The following ACOT1 variants were observed in gnomAD, a reference collection of about 807,000 sequenced individuals.
ACOT1 encodes acyl-coenzyme A thioesterase 1.
Under a neutral mutation model 15.7 loss-of-function variants are expected in ACOT1, and 8 were observed. That is an observed-to-expected ratio of 0.51 (90% confidence interval 0.30 to 0.92). ACOT1 has a LOEUF of 0.92. ACOT1 is among the 40% of genes least tolerant of loss of function. ACOT1 has a pLI of 0.06. For synonymous variants in ACOT1, 67 were observed against 241.2 expected (o/e 0.28, Z 6.69); for missense variants, 151 against 539.4 (o/e 0.28, Z 7.13).
upstream of ACOT1, among the ~76,000 whole-genome samples, chr14:73,534,996 G>A (rs1888816447): frequency 8.9e-6 from 1 of 112,790 alleles, no homozygotes; most frequent in South Asian, 2.8e-4. Flanking sequence ...TAATATCTTG[G>A]TAAAAAGTAT....
the ACOT1 span, chr14:73,491,011 T>G: frequency 2.1e-6 from 3 of 1,452,490 alleles, no homozygotes. Flanking sequence ...ACTGGTGTGG[T>G]CTGGCCATGG....
the ACOT1 span, among the ~76,000 whole-genome samples, chr14:73,503,348 G>A: frequency 2.6e-5 from 4 of 152,320 alleles, no homozygotes; most frequent in East Asian, 7.7e-4. Context: ...AAATTTGAAA[G>A]TGATACTTGA....
chr14:73,512,186 T>A, the ACOT1 span: 3 of 1,611,760 alleles, frequency 1.9e-6, no homozygotes, highest in Non-Finnish European at 2.5e-6. Context: ...GAGAACCACC[T>A]GGTTAGGGTT....
At chr14:73,528,746 A>C in the ACOT1 span, among the ~76,000 whole-genome samples, 1 of 152,184 alleles carries the variant, frequency 6.6e-6, no homozygotes, top group African/African-American at 2.4e-5. Context: ...AAACTAAAAT[A>C]TATGTGTGAG....
chr14:73,527,961 CAAAAA>C, the ACOT1 span, among the ~76,000 whole-genome samples: 2 of 52,678 alleles, frequency 3.8e-5, no homozygotes, highest in African/African-American at 7.2e-5. Context: ...AACTCCATCT[CAAAAA>C]AAAAAAAAAA....
chr14:73,513,868 T>C, the ACOT1 span, among the ~76,000 whole-genome samples: 1 of 151,476 alleles, frequency 6.6e-6, no homozygotes, highest in East Asian at 2.0e-4. Flanking sequence ...GAAGTTCATC[T>C]AACACCCAAT....
chr14:73,518,486 C>A, the ACOT1 span, among the ~76,000 whole-genome samples: 2 of 151,854 alleles, frequency 1.3e-5, no homozygotes, highest in South Asian at 4.2e-4. Flanking sequence ...GAACAGTAAT[C>A]CTACAAAGAG....
At chr14:73,494,159 G>T in the ACOT1 span, among the ~76,000 whole-genome samples, 328 of 152,262 alleles carry the variant, frequency 2.2e-3, 5 homozygotes, top group Admixed American at 0.017. Context: ...GCAGTTCGAA[G>T]AAACTTCCCC....
chr14:73,515,671 CAAAAAAAAAAAAA>C, the ACOT1 span, among the ~76,000 whole-genome samples: 8 of 33,486 alleles, frequency 2.4e-4, no homozygotes, highest in Non-Finnish European at 3.2e-4. Flanking sequence ...GACTCCATCT[CAAAAAAAAAAAAA>C]AAAAAAAAAA....
At chr14:73,500,787 C>T in the ACOT1 span, 1 of 1,518,216 alleles carries the variant, frequency 6.6e-7, no homozygotes, top group Non-Finnish European at 9.1e-7. Context: ...ACCTAACCCC[C>T]AACCCCCACT....
At chr14:73,512,094 C>G in the ACOT1 span, 2 of 1,614,186 alleles carry the variant, frequency 1.2e-6, no homozygotes, top group Non-Finnish European at 1.7e-6. Flanking sequence ...CGTCATCATG[C>G]AGGTCTCCCA....
the ACOT1 span, among the ~76,000 whole-genome samples, chr14:73,519,416 A>G: frequency 6.6e-6 from 1 of 152,016 alleles, no homozygotes; most frequent in Non-Finnish European, 1.5e-5. Context: ...ACCTCATTAG[A>G]GGCCTGGGAG....
chr14:73,507,868 G>A, the ACOT1 span, among the ~76,000 whole-genome samples: 3 of 152,068 alleles, frequency 2.0e-5, no homozygotes, highest in South Asian at 2.1e-4. Context: ...TCAGCCTCCC[G>A]AGTAGCTGGG....
chr14:73,506,804 G>GTTTTTTTTTGTTTTT, the ACOT1 span, among the ~76,000 whole-genome samples: 1 of 80,522 alleles, frequency 1.2e-5, no homozygotes, highest in African/African-American at 4.9e-5. Flanking sequence ...GACTTTAACT[G>GTTTTTTTTTGTTTTT]TTTTTTTTTT....
At chr14:73,498,313 C>T in the ACOT1 span, 2 of 1,609,804 alleles carry the variant, frequency 1.2e-6, no homozygotes, top group Non-Finnish European at 1.7e-6. Context: ...GATCCGTCAG[C>T]TCGGGACTTA....
At chr14:73,506,804 G>GT in the ACOT1 span, among the ~76,000 whole-genome samples, 368 of 80,486 alleles carry the variant, frequency 4.6e-3, 28 homozygotes, top group East Asian at 0.012. Context: ...GACTTTAACT[G>GT]TTTTTTTTTT....
the ACOT1 span, chr14:73,521,116 C>T: frequency 2.3e-6 from 3 of 1,279,604 alleles, no homozygotes; most frequent in Admixed American, 1.9e-5. Context: ...ATCCACAGCT[C>T]GTTCCCTTTC....
At chr14:73,497,339 C>T in the ACOT1 span, among the ~76,000 whole-genome samples, 1 of 152,074 alleles carries the variant, frequency 6.6e-6, no homozygotes, top group African/African-American at 2.4e-5. Context: ...CTCATCTGGC[C>T]AAGACAATAT....
chr14:73,495,490 G>C, the ACOT1 span: 5 of 956,790 alleles, frequency 5.2e-6, no homozygotes, highest in Non-Finnish European at 7.7e-6. Flanking sequence ...GGCTGAGGAG[G>C]GAGGATCACT....
Sources: gnomAD v4.1 joint callset for allele counts (sites outside exome capture counted in the v4.1 genomes callset) on GRCh38, gnomAD v4.1.1 for gene constraint, MANE v1.5 for transcripts, NCBI Gene and HGNC (gene_info 2026-07-23, HGNC 2026-07-21) for gene names.